The following CAPN11 variants were observed in gnomAD, a reference collection of about 807,000 sequenced individuals.
CAPN11 encodes the protein calpain-11.
In CAPN11, 108 loss-of-function variants were observed where a neutral mutation model predicts 105.3. The ratio of observed to expected loss-of-function variants is 1.03; its 90% CI spans 0.88 to 1.20. The LOEUF (loss-of-function observed/expected upper bound fraction) is 1.20, where lower values mean the gene tolerates loss of function less well. Among genes scored for constraint, CAPN11 ranks in the 50% most tolerant of loss-of-function variants. CAPN11 has a pLI of 0.00. For missense variants in CAPN11, 883 were observed against 924.8 expected (o/e 0.95, Z 0.59); for synonymous variants, 329 against 344.5 (o/e 0.96, Z 0.50).
Position 44,181,347 on chromosome 6 carries a change from C to T in CAPN11, c.1938+27C>T, listed in dbSNP as rs369314820. The T allele has an allele frequency of 1.4e-3, 2,180 of 1,603,198 alleles. 22 individuals carry two copies. The highest frequency in any genetic ancestry group is 0.013 in the Middle Eastern group (78 of 6,018). ...TAAAGGGCACTAAAGGGGCAGCCTC[C>T]AGGGGTGAGGAAAAGAGGGTCTTAG... On this transcript the variant is annotated intron_variant, in intron 19 of 22. Coordinates refer to ENST00000398776, the MANE Select transcript of CAPN11 (RefSeq NM_007058.4).
Position 44,180,158 on chromosome 6 carries a change from G to A in CAPN11, c.1635G>A (p.Glu545=). 1 of 1,609,066 alleles carries A rather than the reference G, an allele frequency of 6.2e-7. No individual in the cohort carries two copies. The part of the protein sequence containing the change: ...LLRVFTEKHS[E]SWELDEVNYA... ...GGGTCTTCACCGAGAAGCACAGCGA[G>A]TCATGGTAAGGGGCTGCAGCTCACT... The change falls in exon 14 of 23, where the codon GAG becomes GAA. Residue 545 remains glutamate (E), a synonymous_variant. Transcript: ENST00000398776.
intron 10 of CAPN11, 75 bp from the exon 11 acceptor site, chr6:44,176,763 T>TG (rs1300427631): frequency 1.5e-5 from 24 of 1,584,520 alleles, no homozygotes; most frequent in East Asian, 2.2e-5. Flanking sequence ...GGGGTGGTTG[T>TG]GGGGGGTGGT....
intron 2 of CAPN11, among the ~76,000 whole-genome samples, chr6:44,168,079 A>T (rs1770280029): frequency 6.6e-6 from 1 of 152,142 alleles, no homozygotes; most frequent in Admixed American, 6.5e-5. Flanking sequence ...CTTTTAGTAT[A>T]TTCACAGTTA....
At chr6:44,165,495 C>T (rs1373583546) in intron 1 of CAPN11, among the ~76,000 whole-genome samples, 1 of 152,184 alleles carries the variant, frequency 6.6e-6, no homozygotes, top group Non-Finnish European at 1.5e-5. Context: ...GGGGCAGCCC[C>T]TATCGCGGGC....
Position 44,169,886 on chromosome 6 carries a change from C to T in CAPN11, c.340-20C>T. On this transcript the variant is annotated intron_variant, in intron 3 of 22. Coordinates refer to ENST00000398776, the MANE Select transcript of CAPN11 (RefSeq NM_007058.4). ...AGGGGGTGTCCTGGGCCCCCTGAAA[C>T]CTTTATTCCTTCACTGCAGGATATC... 3 of 1,596,004 alleles carry T rather than the reference C, an allele frequency of 1.9e-6. No individual in the cohort carries two copies. The Admixed American group carries it at 5.1e-5, about 27-fold the overall frequency.
chr6:44,171,336 G>A (rs145341528), intron 4 of CAPN11, among the ~76,000 whole-genome samples: 1 of 152,192 alleles, frequency 6.6e-6, no homozygotes, highest in African/African-American at 2.4e-5. Context: ...CAGGGACACT[G>A]CCTCATACCC....
At chr6:44,169,677 C>A in intron 3 of CAPN11, 146 bp downstream of exon 3, 1 of 986,692 alleles carries the variant, frequency 1.0e-6, no homozygotes, top group Non-Finnish European at 1.5e-6. Flanking sequence ...GAGCTGGGGA[C>A]AGTTCTGAAT....
intron 4 of CAPN11, among the ~76,000 whole-genome samples, chr6:44,170,956 G>T (rs1328403852): frequency 6.6e-6 from 1 of 152,128 alleles, no homozygotes; most frequent in Admixed American, 6.5e-5. Flanking sequence ...CTGTCCCCTT[G>T]GGGCAGAAAA....
At chr6:44,173,438 A>T in intron 7 of CAPN11, 52 bp downstream of exon 7, 3 of 1,232,228 alleles carry the variant, frequency 2.4e-6, no homozygotes, top group Non-Finnish European at 3.5e-6. Context: ...TGTTGCTGTC[A>T]CCCAAAAGGC....
intron 2 of CAPN11, among the ~76,000 whole-genome samples, chr6:44,167,718 TG>T (rs1354201087): frequency 1.3e-5 from 2 of 151,848 alleles, no homozygotes; most frequent in African/African-American, 4.8e-5. Context: ...AAGACCGGTC[TG>T]GGCAACATAG....
At chr6:44,179,471 A>G in intron 12 of CAPN11, 148 bp from the exon 13 acceptor site, 3 of 731,942 alleles carry the variant, frequency 4.1e-6, no homozygotes, top group Non-Finnish European at 7.4e-6. Flanking sequence ...CCCGTGCCCC[A>G]CTCCACCACC....
At chr6:44,161,486 C>T (rs1305956906) in intron 1 of CAPN11, among the ~76,000 whole-genome samples, 1 of 152,234 alleles carries the variant, frequency 6.6e-6, no homozygotes, top group Admixed American at 6.5e-5. Flanking sequence ...AGGCGTGAGC[C>T]ACAGTGCCCA....
chr6:44,167,234 C>A (rs1177459299), intron 2 of CAPN11, among the ~76,000 whole-genome samples: 1 of 152,122 alleles, frequency 6.6e-6, no homozygotes, highest in East Asian at 1.9e-4. Flanking sequence ...CGTGGTGGCT[C>A]ATGACTGTAA....
Position 44,173,372 on chromosome 6 carries a change from G to A in CAPN11, c.817G>A (p.Gly273Ser), listed in dbSNP as rs1232229067. ...GGCCGTGGAGCGATCCTCCCTCATG[G>A]GTTGCTCCATTGAAGTAAGCAAAGC... ...RKAVERSSLM[G>S]CSIEVTSDSE... The change falls in exon 7 of 23, where the codon GGT (glycine) becomes AGT (serine). Residue 273 changes from glycine (G) to serine (S), a missense_variant. Coordinates refer to ENST00000398776, the MANE Select transcript of CAPN11 (RefSeq NM_007058.4). 1 of 1,610,202 alleles carries A rather than the reference G, an allele frequency of 6.2e-7. No homozygotes were observed. Among genetic ancestry groups the A allele is most frequent in the African/African-American group, 1.3e-5 (1 of 74,840 alleles).
intron 13 of CAPN11, 80 bp from the exon 14 acceptor site, chr6:44,179,872 G>A (rs921067483): frequency 8.5e-6 from 10 of 1,177,596 alleles, no homozygotes; most frequent in South Asian, 2.6e-5. Context: ...AACCCTGCCC[G>A]GCCAGGCTGT....
chr6:44,179,950 A>G lies in CAPN11; in HGVS notation c.1429-2A>G, dbSNP rs1385586593. On this transcript the variant is annotated splice_acceptor_variant, in intron 13 of 22. Coordinates refer to ENST00000398776, the MANE Select transcript of CAPN11 (RefSeq NM_007058.4). LOFTEE classifies it high-confidence loss of function. ...CTGTACCCACTTCCAGGATGCATAT[A>G]GTTTCAGAACATTCAGGATGTCCAC... 1 of 1,609,624 alleles carries G rather than the reference A, an allele frequency of 6.2e-7. No homozygotes were observed. The highest frequency in any genetic ancestry group is 8.5e-7 in the Non-Finnish European group (1 of 1,175,966).
At chr6:44,178,933 C>T (rs1772650916) in intron 12 of CAPN11, among the ~76,000 whole-genome samples, 1 of 151,902 alleles carries the variant, frequency 6.6e-6, no homozygotes, top group African/African-American at 2.4e-5. Context: ...AAGACATCTT[C>T]AAGGTTAAAA....
In CAPN11 at chr6:44,183,065, C is replaced by T. The variant is rs1774060165; in HGVS notation, c.2017+46C>T. 6 of 1,590,412 alleles carry T rather than the reference C, an allele frequency of 3.8e-6. No homozygotes were observed. In the African/African-American group the frequency reaches 4.0e-5, roughly 11 times the overall value. Reference sequence around the variant, plus strand: ...GGCCTTGGGGCAGGGAAGAGGATGGCAGTGTCCAGAGGCCCAGACTTTTCC... The same window carrying T: ...GGCCTTGGGGCAGGGAAGAGGATGGTAGTGTCCAGAGGCCCAGACTTTTCC... On this transcript the variant is annotated intron_variant, in intron 20 of 22. Coordinates refer to ENST00000398776, the MANE Select transcript of CAPN11 (RefSeq NM_007058.4).
chr6:44,169,619 C>A lies in CAPN11; in HGVS notation c.339+88C>A, dbSNP rs1200818214. The A allele has an allele frequency of 8.5e-6, 11 of 1,294,438 alleles. No homozygotes were observed. In the East Asian group the frequency reaches 2.0e-4, roughly 24 times the overall value. The allele number at this position is 1,294,438 out of a possible 1,614,324, so 80.2% of individuals were successfully genotyped here. On this transcript the variant is annotated intron_variant, in intron 3 of 22. Coordinates refer to ENST00000398776, the MANE Select transcript of CAPN11 (RefSeq NM_007058.4). ...CACTTTTAGAATCTTCAATCTTCAA[C>A]CCCCCACTACCCCATTCTGACCCTG...
Sources: allele counts gnomAD v4.1 joint callset (sites outside exome capture counted in the v4.1 genomes callset), GRCh38; gene constraint gnomAD v4.1.1; transcripts MANE v1.5; gene names NCBI Gene and HGNC (gene_info 2026-07-23, HGNC 2026-07-21).